The following PREX2 variants were observed in gnomAD, a reference collection of about 807,000 sequenced individuals.
PREX2 encodes the protein phosphatidylinositol 3,4,5-trisphosphate-dependent Rac exchanger 2 protein.
A neutral mutation model predicts 203.2 loss-of-function variants in PREX2; 107 were observed. That is an observed-to-expected ratio of 0.53 (90% CI 0.45 to 0.62). The LOEUF (loss-of-function observed/expected upper bound fraction) is 0.62. PREX2 is among the 20% of genes least tolerant of loss of function. The pLI, the probability that PREX2 is intolerant of heterozygous loss-of-function variation, is 0.00. For synonymous variants in PREX2, 672 were observed against 663.6 expected, an observed-to-expected ratio of 1.01 and a Z score of -0.19; for missense variants, 1,777 against 1,955.9, an observed-to-expected ratio of 0.91 and a Z score of 1.72.
intron 1 of PREX2, among the ~76,000 whole-genome samples, chr8:67,954,094 C>T (rs1805428549): frequency 6.6e-6 from 1 of 152,116 alleles, no homozygotes; most frequent in African/African-American, 2.4e-5. Context: ...AGTTTTTCTT[C>T]TAATCTTAAA....
At chr8:68,065,529 A>G (rs1385769900) in intron 11 of PREX2, among the ~76,000 whole-genome samples, 1 of 152,166 alleles carries the variant, frequency 6.6e-6, no homozygotes, top group East Asian at 1.9e-4. Flanking sequence ...AGGCTGGGGT[A>G]AAAGAGCTGA....
At chr8:68,187,041 T>G (rs1363088607) in intron 35 of PREX2, among the ~76,000 whole-genome samples, 1 of 152,108 alleles carries the variant, frequency 6.6e-6, no homozygotes, top group African/African-American at 2.4e-5. Flanking sequence ...TTTTTTTTTT[T>G]TTTAAGGAAC....
At chr8:68,205,213 T>A (rs150717039) in intron 37 of PREX2, among the ~76,000 whole-genome samples, 101 of 152,340 alleles carry the variant, frequency 6.6e-4, no homozygotes, top group Middle Eastern at 3.4e-3. Context: ...TGTTAGCCTG[T>A]CATTCAAAGT....
intron 37 of PREX2, among the ~76,000 whole-genome samples, chr8:68,196,620 G>A (rs1812400857): frequency 6.6e-6 from 1 of 151,612 alleles, no homozygotes; most frequent in Admixed American, 6.6e-5. Context: ...TTGAAGGTGG[G>A]GCCTGGTGGG....
At chr8:67,991,506 T>C (rs1806607665) in intron 1 of PREX2, among the ~76,000 whole-genome samples, 1 of 152,106 alleles carries the variant, frequency 6.6e-6, no homozygotes, top group African/African-American at 2.4e-5. Flanking sequence ...AAACACCTTC[T>C]TTACAAGGTG....
At chr8:68,217,746 T>C in intron 38 of PREX2, 28 bp downstream of exon 38, 2 of 1,535,704 alleles carry the variant, frequency 1.3e-6, no homozygotes, top group Non-Finnish European at 1.8e-6. Context: ...TTGGGAATAG[T>C]TGTTTTGTAG....
intron 30 of PREX2, among the ~76,000 whole-genome samples, chr8:68,125,897 T>A (rs1226706619): frequency 6.6e-6 from 1 of 152,076 alleles, no homozygotes; most frequent in Admixed American, 6.6e-5. Flanking sequence ...AACGTCCCTC[T>A]CCCTATCTTT....
At chr8:68,090,846 A>G (rs1585779587) in intron 20 of PREX2, 131 bp downstream of exon 20, 10 of 602,850 alleles carry the variant, frequency 1.7e-5, no homozygotes, top group East Asian at 1.1e-4. Flanking sequence ...AGCATTATAA[A>G]TCTCATAATG....
chr8:68,075,284 CAAAT>C (rs1809313794), intron 14 of PREX2, among the ~76,000 whole-genome samples: 1 of 152,178 alleles, frequency 6.6e-6, no homozygotes, highest in Non-Finnish European at 1.5e-5. Flanking sequence ...AATAATCAAT[CAAAT>C]AAAGCAATCA....
At chr8:68,046,795 A>G (rs551833039) in intron 8 of PREX2, among the ~76,000 whole-genome samples, 1 of 152,142 alleles carries the variant, frequency 6.6e-6, no homozygotes, top group Non-Finnish European at 1.5e-5. Context: ...TGGTCACTAC[A>G]AGGTCACTTA....
intron 25 of PREX2, among the ~76,000 whole-genome samples, chr8:68,115,096 C>T (rs1345531936): frequency 7.4e-6 from 1 of 134,848 alleles, no homozygotes; most frequent in Non-Finnish European, 1.5e-5. Context: ...GGCACGATCT[C>T]GGCTCACCAC....
At chr8:68,148,779 C>T (rs538434949) in intron 34 of PREX2, among the ~76,000 whole-genome samples, 2 of 152,256 alleles carry the variant, frequency 1.3e-5, no homozygotes, top group African/African-American at 4.8e-5. Context: ...GATAGGTAAA[C>T]AAGATGGAAA....
At chr8:68,230,582 C>T (rs1813149167) in intron 39 of PREX2, among the ~76,000 whole-genome samples, 3 of 152,262 alleles carry the variant, frequency 2.0e-5, no homozygotes, top group Admixed American at 2.0e-4. Context: ...CATTTAACCA[C>T]TGAGGAGAAT....
At chr8:68,025,212 A>T (rs1807683505) in intron 4 of PREX2, among the ~76,000 whole-genome samples, 1 of 151,230 alleles carries the variant, frequency 6.6e-6, no homozygotes, top group Non-Finnish European at 1.5e-5. Flanking sequence ...TATTTTTTTT[A>T]AATCTGCGAA....
chr8:68,157,036 C>T lies in PREX2; in HGVS notation c.4232-286C>T, dbSNP rs186021528. Among the ~76,000 whole-genome samples the T allele has an allele frequency of 5.9e-5, 9 of 152,142 alleles. No homozygotes were observed. In the East Asian group the frequency reaches 7.7e-4, roughly 13 times the overall value. ...GGTCTCCTACAGTTATATTTTGGAG[C>T]GGCATATTTTGGGCTCCCACAACAT... is the stretch of plus-strand genomic sequence containing the variant. On this transcript the variant is annotated intron_variant, in intron 34 of 39. Transcript: ENST00000288368.
intron 39 of PREX2, among the ~76,000 whole-genome samples, chr8:68,229,975 A>T (rs1486420439): frequency 3.3e-5 from 5 of 152,234 alleles, no homozygotes; most frequent in African/African-American, 1.2e-4. Context: ...TCTGGGAAGG[A>T]TGAAATAAGC....
At chr8:68,069,637 A>C (rs1809133004) in intron 12 of PREX2, among the ~76,000 whole-genome samples, 198 bp from the exon 13 acceptor site, 1 of 138,402 alleles carries the variant, frequency 7.2e-6, no homozygotes, top group Non-Finnish European at 1.6e-5. Context: ...TTTATAGCAC[A>C]ATTTTAATCC....
intron 20 of PREX2, among the ~76,000 whole-genome samples, chr8:68,093,207 A>G (rs1809937225): frequency 6.6e-6 from 1 of 151,970 alleles, no homozygotes; most frequent in African/African-American, 2.4e-5. Flanking sequence ...CCTGACCAAC[A>G]TGGAGAAACC....
intron 8 of PREX2, among the ~76,000 whole-genome samples, chr8:68,049,472 C>G (rs1417837087): frequency 6.6e-6 from 1 of 151,964 alleles, no homozygotes; most frequent in Admixed American, 6.6e-5. Context: ...CTGAGATTTA[C>G]AGTGTATCAG....
Sources: allele counts gnomAD v4.1 joint callset (sites outside exome capture counted in the v4.1 genomes callset), GRCh38; gene constraint gnomAD v4.1.1; transcripts MANE v1.5; gene names NCBI Gene and HGNC (gene_info 2026-07-23, HGNC 2026-07-21).